The following CLTC variants were observed in gnomAD, a reference collection of about 807,000 sequenced individuals.
CLTC encodes the protein clathrin heavy chain, also known as clathrin heavy chain 1.
A neutral mutation model predicts 195.8 loss-of-function variants in CLTC; 16 were observed. The observed-to-expected ratio is 0.08, with a 90% CI of 0.06 to 0.12. The LOEUF is 0.12. CLTC is among the 10% of genes least tolerant of loss of function. The pLI is 1.00. For synonymous variants in CLTC, 667 were observed against 689.4 expected (o/e 0.97, Z 0.51); for missense variants, 796 against 2,027.0 (o/e 0.39, Z 11.66).
chr17:59,627,453 C>T (rs11650152), intron 1 of CLTC, among the ~76,000 whole-genome samples: 117,688 of 152,128 alleles, frequency 0.77, 46,535 homozygotes, highest in East Asian at 0.93. Context: ...AGTGAGCAGT[C>T]AGACTTTTAA....
At chr17:59,639,388 C>T (rs1328365601) in intron 1 of CLTC, among the ~76,000 whole-genome samples, 1 of 151,666 alleles carries the variant, frequency 6.6e-6, no homozygotes, top group Admixed American at 6.6e-5. Flanking sequence ...TTTTTTGGAC[C>T]CAGTTTATTG....
chr17:59,685,035 G>A lies in CLTC; in HGVS notation c.4435-21G>A, dbSNP rs1567972420. On this transcript the variant is annotated intron_variant, in intron 28 of 31. Transcript: ENST00000269122. This position sits in a 1 kb window ranked among gnomAD's most constrained non-coding sequence, Gnocchi z 5.0. ...TAAACAAAATACTGATCTGGCATTT[G>A]GATGGCTTTTTTTTTTTAAGGCTCT... is the stretch of plus-strand genomic sequence containing the variant. 1 of 1,488,916 alleles carries A rather than the reference G, an allele frequency of 6.7e-7. No homozygotes were observed. Among genetic ancestry groups the A allele is most frequent in the Non-Finnish European group, 9.0e-7 (1 of 1,107,200 alleles). 92.2% of individuals were successfully genotyped at this position (1,488,916 alleles called of 1,614,324 possible). A position where few individuals can be genotyped will look rare whatever the true frequency, so the allele number is the denominator to read the frequency against.
intron 1 of CLTC, among the ~76,000 whole-genome samples, chr17:59,633,916 A>G (rs1266567736): frequency 6.6e-6 from 1 of 152,066 alleles, no homozygotes; most frequent in African/African-American, 2.4e-5. Flanking sequence ...TAAGTATTAT[A>G]TATATTTTTT....
chr17:59,621,296 A>C (rs996227547), intron 1 of CLTC, among the ~76,000 whole-genome samples: 6 of 152,124 alleles, frequency 3.9e-5, no homozygotes, highest in Non-Finnish European at 5.9e-5. Context: ...ATTCCTATTA[A>C]TTTGCTTTCT....
At chr17:59,658,100 G>C (rs2143534487) in intron 6 of CLTC, among the ~76,000 whole-genome samples, 1 of 152,250 alleles carries the variant, frequency 6.6e-6, no homozygotes, top group East Asian at 1.9e-4. Context: ...CTACTTGGGA[G>C]GCTGAGACAG....
At chr17:59,676,817 T>C (rs1190144888) in intron 16 of CLTC, 137 bp from the exon 17 acceptor site, 1 of 665,168 alleles carries the variant, frequency 1.5e-6, no homozygotes, top group African/African-American at 1.8e-5. Context: ...CTGGACAATG[T>C]AGCAATACTC....
At chr17:59,657,658 C>G (rs1171607782) in intron 6 of CLTC, among the ~76,000 whole-genome samples, 1 of 151,174 alleles carries the variant, frequency 6.6e-6, no homozygotes, top group Admixed American at 6.6e-5. Context: ...ATGCTAGCTA[C>G]TCGGGAGGCT....
chr17:59,656,134 A>C, intron 6 of CLTC, 107 bp downstream of exon 6: 2 of 974,392 alleles, frequency 2.1e-6, no homozygotes, highest in African/African-American at 1.7e-5. Context: ...ATAGAAAATA[A>C]ACATATTACT....
At chr17:59,657,250 G>A (rs1178288653) in intron 6 of CLTC, among the ~76,000 whole-genome samples, 1 of 152,066 alleles carries the variant, frequency 6.6e-6, no homozygotes, top group African/African-American at 2.4e-5. Flanking sequence ...GACCTGGTTA[G>A]GTGCTTTTGC....
At chr17:59,640,134 T>A (rs1345697259) in intron 1 of CLTC, among the ~76,000 whole-genome samples, 2 of 152,242 alleles carry the variant, frequency 1.3e-5, no homozygotes, top group Non-Finnish European at 2.9e-5. Context: ...GACATAGTTA[T>A]ATAGTTTGGC....
intron 1 of CLTC, among the ~76,000 whole-genome samples, chr17:59,624,950 G>A (rs1330106273): frequency 2.0e-5 from 3 of 152,084 alleles, no homozygotes; most frequent in East Asian, 1.9e-4. Flanking sequence ...GATTACAGGC[G>A]TGAGTCACCA....
intron 1 of CLTC, among the ~76,000 whole-genome samples, chr17:59,642,221 C>G (rs1230924555): frequency 6.6e-6 from 1 of 152,094 alleles, no homozygotes; most frequent in Non-Finnish European, 1.5e-5. Flanking sequence ...AGGAAGGAAT[C>G]TGTTAGAATC....
rs2032241292 is a variant in CLTC, at chr17:59,648,110, G to A, written c.520-130G>A. On this transcript the variant is annotated intron_variant, in intron 3 of 31. Coordinates refer to ENST00000269122, the MANE Select transcript of CLTC (RefSeq NM_004859.4). The surrounding 1 kb of genome is among the most constrained non-coding windows in gnomAD (Gnocchi z 4.5). ...TTAAGAAGTATCAAATCTACAGTGA[G>A]AGATGAAGTGACAAATAATTATAAA... 10 of 850,166 alleles carry A rather than the reference G, an allele frequency of 1.2e-5. No homozygotes were observed. The highest frequency in any genetic ancestry group is 6.0e-5 in the South Asian group (3 of 49,824). The allele number at this position is 850,166 out of a possible 1,614,324, so 52.7% of individuals were successfully genotyped here. A position where few individuals can be genotyped will look rare whatever the true frequency, so the allele number is the denominator to read the frequency against.
At chr17:59,664,567 A>AG in intron 9 of CLTC, 2 of 262,160 alleles carry the variant, frequency 7.6e-6, no homozygotes, top group Non-Finnish European at 1.2e-5. Context: ...AAAAAAAAAA[A>AG]GAAAAGAAAA....
At chr17:59,688,892 T>C (rs571466364) in intron 30 of CLTC, among the ~76,000 whole-genome samples, 2 of 152,202 alleles carry the variant, frequency 1.3e-5, no homozygotes, top group Non-Finnish European at 2.9e-5. Flanking sequence ...CAGGCATCCA[T>C]GTATTTTTCT....
At chr17:59,674,638 T>C in intron 15 of CLTC, 63 bp from the exon 16 acceptor site, 1 of 1,452,652 alleles carries the variant, frequency 6.9e-7, no homozygotes, top group Non-Finnish European at 9.3e-7. Context: ...ATAAATGCTT[T>C]TTTAAAATTC....
In CLTC at chr17:59,651,581, A is replaced by C. The variant is rs2032328310; in HGVS notation, c.795+265A>C. 2.0e-5 allele frequency among the ~76,000 whole-genome samples: 3 copies of C among 152,238 alleles called. No homozygotes were observed. The South Asian group carries it at 6.2e-4, about 31-fold the overall frequency. On this transcript the variant is annotated intron_variant, in intron 5 of 31. Transcript: ENST00000269122. ...TAAGAATTCTTTGGTTTCCCAGTGC[A>C]GATCAAAGTTACACTTAACACTATG...
chr17:59,679,746 T>C (rs935995244), intron 18 of CLTC, among the ~76,000 whole-genome samples: 12 of 152,058 alleles, frequency 7.9e-5, no homozygotes, highest in Non-Finnish European at 1.2e-4. Context: ...TGTACATTTA[T>C]ATAAGTATAA....
chr17:59,640,702 G>T (rs1567936854), intron 1 of CLTC, among the ~76,000 whole-genome samples: 1 of 151,792 alleles, frequency 6.6e-6, no homozygotes, highest in Non-Finnish European at 1.5e-5. Flanking sequence ...CCCAGCCGAA[G>T]TTCCTGTCTT....
Sources: allele counts gnomAD v4.1 joint callset (sites outside exome capture counted in the v4.1 genomes callset), GRCh38; gene constraint gnomAD v4.1.1; non-coding constraint Gnocchi (gnomAD v3.1); transcripts MANE v1.5; gene names NCBI Gene and HGNC (gene_info 2026-07-23, HGNC 2026-07-21).